Variants in ZAP70 observed in about 807,000 individuals in gnomAD.
ZAP70 encodes the protein zeta chain of T cell receptor associated protein kinase 70, also known as tyrosine-protein kinase ZAP-70.
ZAP70 carries 27 observed loss-of-function variants against 65.8 expected under a neutral mutation model. The observed-to-expected ratio is 0.41, with a 90% CI of 0.30 to 0.57. The LOEUF is 0.57. Ranked by LOEUF, ZAP70 falls within the 20% of genes least tolerant of loss-of-function variation. ZAP70 has a pLI of 0.28. For missense variants in ZAP70, 696 were observed against 870.5 expected (o/e 0.80, Z 2.52); for synonymous variants, 363 against 360.8 (o/e 1.01, Z -0.07).
intron 2 of ZAP70, among the ~76,000 whole-genome samples, chr2:97,718,461 T>C (rs1294173021): frequency 6.6e-6 from 1 of 152,092 alleles, no homozygotes. Context: ...CATGTTTTAC[T>C]AGTGAGGACA....
At chr2:97,754,722 G>A in the ZAP70 span, among the ~76,000 whole-genome samples, 2 of 152,166 alleles carry the variant, frequency 1.3e-5, no homozygotes, top group African/African-American at 2.4e-5. Context: ...TTTGGTTTAA[G>A]TGAGGGTTTA....
intron 4 of ZAP70, among the ~76,000 whole-genome samples, chr2:97,728,093 C>T (rs1337129046): frequency 6.6e-6 from 1 of 152,106 alleles, no homozygotes; most frequent in African/African-American, 2.4e-5. Flanking sequence ...GTTTCACTGC[C>T]CAAAGGAAAA....
chr2:97,729,842 T>C (rs943807410), intron 4 of ZAP70, among the ~76,000 whole-genome samples: 7 of 152,140 alleles, frequency 4.6e-5, no homozygotes, highest in African/African-American at 1.4e-4. Flanking sequence ...CTTTATGAAC[T>C]CACACATCTC....
intron 2 of ZAP70, among the ~76,000 whole-genome samples, chr2:97,721,819 C>T (rs1288283480): frequency 2.0e-5 from 3 of 150,920 alleles, no homozygotes; most frequent in African/African-American, 4.9e-5. Context: ...CTCGCACTGT[C>T]GCCCCAGCTG....
the ZAP70 span, among the ~76,000 whole-genome samples, chr2:97,749,859 G>A: frequency 6.6e-6 from 1 of 152,202 alleles, no homozygotes; most frequent in African/African-American, 2.4e-5. Flanking sequence ...TGGGAGGAGG[G>A]GCCCCAGGCA....
chr2:97,734,472 C>T, intron 8 of ZAP70, 48 bp from the exon 9 acceptor site: 1 of 1,573,078 alleles, frequency 6.4e-7, no homozygotes, highest in Non-Finnish European at 8.6e-7. Flanking sequence ...TGCCTTGCTC[C>T]CCACACCCCT....
chr2:97,753,232 G>A, the ZAP70 span, among the ~76,000 whole-genome samples: 3 of 152,158 alleles, frequency 2.0e-5, no homozygotes, highest in East Asian at 5.8e-4. Flanking sequence ...GGGCAGCAGG[G>A]AAGACCCCTT....
Position 97,736,828 on chromosome 2 carries a change from C to T in ZAP70, c.1290-645C>T, listed in dbSNP as rs1430264731. ...CAGGCCTTGCGGGCTGCCAGGAGGA[C>T]TTGGAGTTTTACCCTGAGTTGGGTG... On this transcript the variant is annotated intron_variant, in intron 10 of 13. Transcript: ENST00000264972. This position sits in a 1 kb window ranked among gnomAD's most constrained non-coding sequence, Gnocchi z 4.0. 6.6e-6 allele frequency among the ~76,000 whole-genome samples: 1 copy of T among 151,940 alleles called. No homozygotes were observed.
intron 2 of ZAP70, among the ~76,000 whole-genome samples, chr2:97,720,631 C>T (rs532088726): frequency 3.3e-5 from 5 of 152,306 alleles, no homozygotes; most frequent in Non-Finnish European, 5.9e-5. Context: ...GGATTACAAG[C>T]GTGAGCCACT....
At chr2:97,717,257 G>A (rs1447907806) in intron 2 of ZAP70, among the ~76,000 whole-genome samples, 1 of 152,088 alleles carries the variant, frequency 6.6e-6, no homozygotes, top group Admixed American at 6.5e-5. Context: ...GGTGGTGGGG[G>A]GGCAGTAGGA....
At position 97,736,962 on chromosome 2, in the gene ZAP70, T is replaced by C. The variant is rs1275364818; in HGVS notation, c.1290-511T>C. Among the ~76,000 whole-genome samples, 4 of 151,870 alleles carry C rather than the reference T, an allele frequency of 2.6e-5. No homozygotes were observed. The highest frequency in any genetic ancestry group is 6.6e-5 in the Admixed American group (1 of 15,240). ...GCGAGGGCCTGGGCGGAGCTGACTA[T>C]TCCTGCCTGGGGGTCCAGGTGAGTG... On this transcript the variant is annotated intron_variant, in intron 10 of 13. Transcript: ENST00000264972. This position sits in a 1 kb window ranked among gnomAD's most constrained non-coding sequence, Gnocchi z 4.0.
At chr2:97,726,088 A>G (rs1211315466) in intron 4 of ZAP70, among the ~76,000 whole-genome samples, 1 of 152,196 alleles carries the variant, frequency 6.6e-6, no homozygotes, top group Non-Finnish European at 1.5e-5. Context: ...TATGAGGATT[A>G]CATGAATTAA....
chr2:97,719,334 G>C (rs1375582045), intron 2 of ZAP70, among the ~76,000 whole-genome samples: 1 of 147,800 alleles, frequency 6.8e-6, no homozygotes, highest in Non-Finnish European at 1.5e-5. Context: ...GATGACCCAA[G>C]TAAGGGGACG....
chr2:97,748,901 G>A, the ZAP70 span, among the ~76,000 whole-genome samples: 6 of 152,180 alleles, frequency 3.9e-5, no homozygotes, highest in African/African-American at 1.2e-4. Flanking sequence ...CCATGAGCCC[G>A]GGGCTGATTG....
Position 97,737,551 on chromosome 2 carries a change from C to A in ZAP70, c.1368C>A (p.Asn456Lys), listed in dbSNP as rs1402519359. ...SMGMKYLEEK[N>K]FVHRDLAARN... ...GGATGAAGTACCTGGAGGAGAAGAA[C>A]TTTGTGCACCGTGACCTGGCGGCCC... is the stretch of plus-strand genomic sequence containing the variant. Residue 456 changes from asparagine (N) to lysine (K), a missense_variant, in exon 11 of 14, where the codon AAC (asparagine) becomes AAA (lysine). Coordinates refer to ENST00000264972, the MANE Select transcript of ZAP70 (RefSeq NM_001079.4). This position sits in a 1 kb window ranked among gnomAD's most constrained non-coding sequence, Gnocchi z 5.0. 1 of 1,614,022 alleles carries A rather than the reference C, an allele frequency of 6.2e-7. No individual in the cohort carries two copies. Among genetic ancestry groups the A allele is most frequent in the Non-Finnish European group, 8.5e-7 (1 of 1,180,010 alleles).
At chr2:97,735,968 A>G (rs1677863863) in intron 10 of ZAP70, among the ~76,000 whole-genome samples, 1 of 152,168 alleles carries the variant, frequency 6.6e-6, no homozygotes, top group Admixed American at 6.5e-5. Context: ...AGATTGTGCC[A>G]CTGCACTCCA....
chr2:97,747,815 GTTTTTTTTTTTTTT>G, the ZAP70 span, among the ~76,000 whole-genome samples: 36 of 54,796 alleles, frequency 6.6e-4, no homozygotes, highest in African/African-American at 2.5e-3. Context: ...CTGGCACGAG[GTTTTTTTTTTTTTT>G]TTTTTTTTTT....
chr2:97,716,498 GAGA>G lies in ZAP70; in HGVS notation c.-22+2507_-22+2509del, dbSNP rs1320214955. ...AACAAAGCTGGGTCAGGGCTAGAGA[GAGA>G]AGGAGAGGCTATTTTGGAGAGGGAG... On this transcript the variant is annotated intron_variant, in intron 2 of 13. Coordinates refer to ENST00000264972, the MANE Select transcript of ZAP70 (RefSeq NM_001079.4). Among the ~76,000 whole-genome samples, 9 of 152,226 alleles carry G rather than the reference GAGA, an allele frequency of 5.9e-5. No individual in the cohort carries two copies. In the East Asian group the frequency reaches 1.3e-3, roughly 23 times the overall value.
At chr2:97,741,161 C>G (rs1259481072), downstream of ZAP70, among the ~76,000 whole-genome samples, 1 of 152,158 alleles carries the variant, frequency 6.6e-6, no homozygotes, top group Non-Finnish European at 1.5e-5. Flanking sequence ...AAGCAAGGAG[C>G]CAGCAAGTCT....
Sources: gnomAD v4.1 joint callset for allele counts (sites outside exome capture counted in the v4.1 genomes callset) on GRCh38, gnomAD v4.1.1 for gene constraint, Gnocchi (gnomAD v3.1) non-coding constraint, MANE v1.5 for transcripts, NCBI Gene and HGNC (gene_info 2026-07-23, HGNC 2026-07-21) for gene names.